CNOT6L: variants seen among roughly 807,000 people sequenced by gnomAD.
The protein encoded by CNOT6L is CCR4-NOT transcription complex subunit 6-like.
Under a neutral mutation model 64.0 loss-of-function variants are expected in CNOT6L, and 7 were observed. That is an observed-to-expected ratio of 0.11 (90% CI 0.06 to 0.21). The LOEUF (loss-of-function observed/expected upper bound fraction) is 0.21, where lower values mean the gene tolerates loss of function less well. CNOT6L is among the 10% of genes least tolerant of loss of function. CNOT6L has a pLI of 1.00. For synonymous variants in CNOT6L, 193 were observed against 243.4 expected, an observed-to-expected ratio of 0.79 and a Z score of 1.93; for missense variants, 245 against 669.0, an observed-to-expected ratio of 0.37 and a Z score of 6.99.
At chr4:77,742,785 A>G (rs1043867371) in intron 7 of CNOT6L, among the ~76,000 whole-genome samples, 24 of 152,242 alleles carry the variant, frequency 1.6e-4, no homozygotes, top group Non-Finnish European at 3.4e-4. Context: ...GAAATTTTTA[A>G]GTACCTAAAT....
intron 4 of CNOT6L, among the ~76,000 whole-genome samples, chr4:77,760,079 A>G (rs1272449792): frequency 6.6e-6 from 1 of 152,156 alleles, no homozygotes; most frequent in East Asian, 1.9e-4. Flanking sequence ...AGATTTTTTA[A>G]TGTTTTAATT....
chr4:77,762,007 T>C (rs1488531007), intron 4 of CNOT6L, among the ~76,000 whole-genome samples: 2 of 152,242 alleles, frequency 1.3e-5, no homozygotes, highest in Non-Finnish European at 2.9e-5. Context: ...TAAGTAGATA[T>C]ACATCTAGCA....
chr4:77,729,104 G>A (rs773161697), intron 9 of CNOT6L, 23 bp from the exon 10 acceptor site: 37 of 1,569,966 alleles, frequency 2.4e-5, no homozygotes, highest in Non-Finnish European at 3.1e-5. Flanking sequence ...ATTACAAAAA[G>A]AAGACAAAGT....
chr4:77,797,602 G>C (rs1196413449), intron 1 of CNOT6L, among the ~76,000 whole-genome samples: 1 of 152,086 alleles, frequency 6.6e-6, no homozygotes, highest in Admixed American at 6.5e-5. Flanking sequence ...TGGAAATTCA[G>C]GTATGCCAAA....
At chr4:77,818,549 G>A (rs185757848) in intron 1 of CNOT6L, among the ~76,000 whole-genome samples, 2 of 152,294 alleles carry the variant, frequency 1.3e-5, no homozygotes, top group South Asian at 2.1e-4. Context: ...GAAAAGAAGG[G>A]AACACGACAC....
chr4:77,728,466 T>C (rs1722115737), intron 10 of CNOT6L, among the ~76,000 whole-genome samples: 1 of 152,206 alleles, frequency 6.6e-6, no homozygotes, highest in African/African-American at 2.4e-5. Context: ...TCCCTTCTTT[T>C]TGGTTTGCCA....
At chr4:77,807,374 C>A (rs1256303546) in intron 1 of CNOT6L, among the ~76,000 whole-genome samples, 1 of 151,226 alleles carries the variant, frequency 6.6e-6, no homozygotes, top group South Asian at 2.1e-4. Flanking sequence ...GCAAAATCTC[C>A]ATCTCTTAAA....
At chr4:77,790,140 T>C (rs1333908812) in intron 1 of CNOT6L, among the ~76,000 whole-genome samples, 1 of 152,106 alleles carries the variant, frequency 6.6e-6, no homozygotes, top group Non-Finnish European at 1.5e-5. Context: ...CCGAGTGTCA[T>C]TTAGTTGGAC....
intron 1 of CNOT6L, among the ~76,000 whole-genome samples, chr4:77,817,445 A>G (rs1249192240): frequency 2.0e-5 from 3 of 152,258 alleles, no homozygotes; most frequent in Admixed American, 2.0e-4. Context: ...CAATGCCCAT[A>G]GTCAGGGCTG....
intron 5 of CNOT6L, among the ~76,000 whole-genome samples, chr4:77,753,585 C>T (rs1725100730): frequency 2.0e-5 from 3 of 152,084 alleles, no homozygotes; most frequent in African/African-American, 4.8e-5. Context: ...GCAGGAGAAT[C>T]GCTTGAACCT....
intron 9 of CNOT6L, among the ~76,000 whole-genome samples, 174 bp downstream of exon 9, chr4:77,731,213 A>G (rs922675903): frequency 2.0e-5 from 3 of 152,148 alleles, no homozygotes; most frequent in African/African-American, 7.2e-5. Flanking sequence ...AAATATCCCA[A>G]CAAATATATG....
intron 4 of CNOT6L, among the ~76,000 whole-genome samples, 152 bp downstream of exon 4, chr4:77,772,921 TCAAACAAA>T (rs535647597): frequency 1.8e-4 from 28 of 152,070 alleles, no homozygotes; most frequent in East Asian, 5.8e-4. Context: ...AGACTCCGTC[TCAAACAAA>T]CAAACAAACA....
At chr4:77,801,091 G>C (rs759359360) in intron 1 of CNOT6L, among the ~76,000 whole-genome samples, 1 of 152,158 alleles carries the variant, frequency 6.6e-6, no homozygotes, top group African/African-American at 2.4e-5. Context: ...TAGTTGATTA[G>C]AAGGATAAAG....
intron 11 of CNOT6L, among the ~76,000 whole-genome samples, chr4:77,725,502 A>C (rs2109867435): frequency 6.6e-6 from 1 of 152,312 alleles, no homozygotes; most frequent in East Asian, 1.9e-4. Flanking sequence ...AAGCCACCAC[A>C]ATCTGTCTTT....
At position 77,762,244 on chromosome 4, in the gene CNOT6L, GA is replaced by G. The variant is rs550765153; in HGVS notation, c.401-5294del. 1.2e-4 allele frequency among the ~76,000 whole-genome samples: 18 copies of G among 152,246 alleles called. No homozygotes were observed. The East Asian group carries it at 3.5e-3, about 29-fold the overall frequency. On this transcript the variant is annotated intron_variant, in intron 4 of 11. Coordinates refer to ENST00000504123, the MANE Select transcript of CNOT6L (RefSeq NM_144571.3). ...CATAAGTTCATTCTAAAATGTATAT[GA>G]AAATGCAAAGTATCTAGAAATGTCA...
intron 1 of CNOT6L, among the ~76,000 whole-genome samples, chr4:77,818,251 C>T (rs890338783): frequency 8.5e-5 from 13 of 152,176 alleles, no homozygotes; most frequent in South Asian, 2.1e-4. Flanking sequence ...CAATAGCCGA[C>T]CGAGTTAAGC....
chr4:77,771,549 G>A (rs1727561340), intron 4 of CNOT6L, among the ~76,000 whole-genome samples: 1 of 152,080 alleles, frequency 6.6e-6, no homozygotes, highest in African/African-American at 2.4e-5. Flanking sequence ...CAATCCTTAG[G>A]AAAATATTTT....
chr4:77,784,110 T>A (rs1729184114), intron 1 of CNOT6L, among the ~76,000 whole-genome samples: 1 of 152,046 alleles, frequency 6.6e-6, no homozygotes, highest in Admixed American at 6.5e-5. Context: ...TGGAAAGCGA[T>A]GAGGGCATAG....
intron 1 of CNOT6L, among the ~76,000 whole-genome samples, chr4:77,796,190 T>C (rs983033672): frequency 1.1e-4 from 17 of 152,066 alleles, no homozygotes; most frequent in Admixed American, 2.0e-4. Context: ...AACATGCTTA[T>C]TCTAAAATAT....
Sources: gnomAD v4.1 joint callset for allele counts (sites outside exome capture counted in the v4.1 genomes callset) on GRCh38, gnomAD v4.1.1 for gene constraint, MANE v1.5 for transcripts, NCBI Gene and HGNC (gene_info 2026-07-23, HGNC 2026-07-21) for gene names.